MYO5A: variants seen among roughly 807,000 people sequenced by gnomAD.
MYO5A encodes the protein unconventional myosin-Va.
MYO5A carries 98 observed loss-of-function variants against 249.7 expected under a neutral mutation model. The ratio of observed to expected loss-of-function variants is 0.39; its 90% CI spans 0.33 to 0.46. MYO5A has a LOEUF of 0.46. Among genes scored for constraint, MYO5A ranks in the 20% least tolerant of loss-of-function variants. The probability of loss-of-function intolerance (pLI) is 0.98; values close to 1 mark genes in which losing one functional copy is unlikely to be tolerated. For missense variants in MYO5A, 1,696 were observed against 2,308.8 expected (o/e 0.73, Z 5.44); for synonymous variants, 778 against 810.6 (o/e 0.96, Z 0.68).
rs569340846 is a variant in MYO5A at position 52,404,858 on chromosome 15, C to T, written c.1053+429G>A. Among the ~76,000 whole-genome samples, 13 of 152,278 alleles carry T rather than the reference C, an allele frequency of 8.5e-5. No individual in the cohort carries two copies. In the East Asian group the frequency reaches 2.3e-3, roughly 27 times the overall value. On this transcript the variant is annotated intron_variant, in intron 9 of 41. Transcript: ENST00000399233. The stretch of plus-strand genomic sequence containing the variant: ...CAGGGGTCAGTCATGAAGGCCCTTT[C>T]ATGTCATATCATGCCAAGTAAGGTG...
chr15:52,457,497 G>A (rs1382991976), intron 1 of MYO5A, among the ~76,000 whole-genome samples: 2 of 151,392 alleles, frequency 1.3e-5, no homozygotes, highest in African/African-American at 4.9e-5. Context: ...TGGCTAACAG[G>A]TATATGACAA....
At chr15:52,333,501 C>A (rs958602901) in intron 34 of MYO5A, among the ~76,000 whole-genome samples, 1 of 152,132 alleles carries the variant, frequency 6.6e-6, no homozygotes, top group Admixed American at 6.6e-5. Flanking sequence ...CTGCTGCAAC[C>A]ATGGGTCACT....
rs538927364 is a variant in MYO5A at position 52,416,052 on chromosome 15, C to CA, written c.612+92dup. The CA allele has an allele frequency of 1.1e-4, 163 of 1,454,568 alleles. 1 individual carries two copies. The Admixed American group carries it at 1.8e-3, about 16-fold the overall frequency. The allele number at this position is 1,454,568 out of a possible 1,614,324, so 90.1% of individuals were successfully genotyped here. On this transcript the variant is annotated intron_variant, in intron 5 of 41. Transcript: ENST00000399233. ...TCTTAATTTTAGTGGCTGGAGACCC[C>CA]AGGCTTTCTGAGACATGCTGTATCA...
At chr15:52,479,500 T>C (rs188529782) in intron 1 of MYO5A, among the ~76,000 whole-genome samples, 11 of 152,272 alleles carry the variant, frequency 7.2e-5, no homozygotes, top group Non-Finnish European at 1.0e-4. Context: ...AGTGGACCCA[T>C]GCAGTTCAAA....
intron 1 of MYO5A, among the ~76,000 whole-genome samples, chr15:52,468,999 A>T (rs1238727966): frequency 6.6e-6 from 1 of 152,248 alleles, no homozygotes; most frequent in East Asian, 1.9e-4. Context: ...TCCTTGAATC[A>T]GAAAGTTCAT....
Position 52,370,155 on chromosome 15 carries a change from G to A in MYO5A, c.3066+14C>T. 1 of 1,613,908 alleles carries A rather than the reference G, an allele frequency of 6.2e-7. No homozygotes were observed. The highest frequency in any genetic ancestry group is 8.5e-7 in the Non-Finnish European group (1 of 1,179,894). ...TGTGTACGGAGTAGATGGGGATATGGACATTATTCCTACCTGCTCTGTTTC... is the reference window on the plus strand; with the variant it reads ...TGTGTACGGAGTAGATGGGGATATGAACATTATTCCTACCTGCTCTGTTTC... On this transcript the variant is annotated intron_variant, in intron 22 of 41. Transcript: ENST00000399233.
In MYO5A at chr15:52,311,431, G is replaced by C. The variant is rs1296018588; in HGVS notation, c.*2265C>G. On this transcript the variant is annotated 3_prime_UTR_variant, in exon 42 of 42. Coordinates refer to ENST00000399233, the MANE Select transcript of MYO5A (RefSeq NM_001382347.1). Reference sequence around the variant, plus strand: ...TTAATTGTGCATTGAAAACCGCATTGACAACCAGGAAAAACTGGGAGAATT... The same window carrying C: ...TTAATTGTGCATTGAAAACCGCATTCACAACCAGGAAAAACTGGGAGAATT... The C allele has an allele frequency of 1.3e-5, 2 of 152,170 alleles. No individual in the cohort carries two copies. Among genetic ancestry groups the C allele is most frequent in the Admixed American group, 1.3e-4 (2 of 15,280 alleles). The allele number at this position is 152,170 out of a possible 1,614,324, so 9.4% of individuals were successfully genotyped here. A position where few individuals can be genotyped will look rare whatever the true frequency, so the allele number is the denominator to read the frequency against.
At chr15:52,389,154 AG>A in intron 13 of MYO5A, 83 bp downstream of exon 13, 2 of 1,429,478 alleles carry the variant, frequency 1.4e-6, no homozygotes, top group Non-Finnish European at 1.9e-6. Flanking sequence ...CATCAGCAAA[AG>A]AAAAAAAAAG....
Position 52,494,028 on chromosome 15 carries a change from C to A in MYO5A, c.27+34752G>T, listed in dbSNP as rs562890495. On this transcript the variant is annotated intron_variant, in intron 1 of 41. Transcript: ENST00000399233. ...AAGCTTCACTGCCTGGCCCCTCGCT[C>A]CAACACCCCACAATCTGAGATGTCG... 2.2e-4 allele frequency among the ~76,000 whole-genome samples: 33 copies of A among 152,252 alleles called. 1 individual carries two copies. The South Asian group carries it at 6.6e-3, about 31-fold the overall frequency.
intron 1 of MYO5A, among the ~76,000 whole-genome samples, chr15:52,511,545 T>A (rs764766824): frequency 6.6e-6 from 1 of 152,210 alleles, no homozygotes; most frequent in Non-Finnish European, 1.5e-5. Context: ...GCTTGACAAA[T>A]CTTGAGTGCC....
chr15:52,374,900 A>G (rs1002480827), intron 20 of MYO5A, among the ~76,000 whole-genome samples: 2 of 152,156 alleles, frequency 1.3e-5, no homozygotes, highest in African/African-American at 4.8e-5. Context: ...TTCAAATTAT[A>G]TAAACAAAGA....
rs780576619 is a variant in MYO5A, at chr15:52,379,581, A to G, written c.2208+44T>C. The stretch of plus-strand genomic sequence containing the variant: ...CCCGGGGCTTTCCAAGGTCAGAACC[A>G]CAAGGCCTTCTGCTCAGATGACGGT... On this transcript the variant is annotated intron_variant, in intron 18 of 41. Transcript: ENST00000399233. The G allele has an allele frequency of 5.1e-6, 8 of 1,559,120 alleles. No homozygotes were observed. In the Middle Eastern group the frequency reaches 6.7e-4, roughly 131 times the overall value.
chr15:52,324,100 A>G (rs1049299512), intron 36 of MYO5A, among the ~76,000 whole-genome samples: 2 of 151,694 alleles, frequency 1.3e-5, no homozygotes, highest in African/African-American at 4.8e-5. Context: ...GGGAATCAGA[A>G]CTAAAAGCAG....
chr15:52,430,471 G>T (rs1390097106), intron 2 of MYO5A, among the ~76,000 whole-genome samples: 1 of 152,120 alleles, frequency 6.6e-6, no homozygotes, highest in Admixed American at 6.5e-5. Context: ...TGCTCCTCTG[G>T]AATCACTGGA....
intron 27 of MYO5A, 62 bp from the exon 28 acceptor site, chr15:52,351,543 A>T: frequency 6.8e-7 from 1 of 1,462,788 alleles, no homozygotes; most frequent in Non-Finnish European, 9.6e-7. Flanking sequence ...TGGATGCTCA[A>T]ACTTCTCCCA....
chr15:52,408,984 A>G (rs1298607966), intron 6 of MYO5A, among the ~76,000 whole-genome samples: 2 of 152,166 alleles, frequency 1.3e-5, no homozygotes, highest in African/African-American at 2.4e-5. Context: ...GAAACTAGAA[A>G]AGCCTGTGAG....
At chr15:52,371,338 A>G (rs2041103245) in intron 21 of MYO5A, among the ~76,000 whole-genome samples, 1 of 152,214 alleles carries the variant, frequency 6.6e-6, no homozygotes, top group South Asian at 2.1e-4. Flanking sequence ...TAATCAAACA[A>G]ACTTTTATCT....
intron 4 of MYO5A, among the ~76,000 whole-genome samples, chr15:52,416,611 C>T (rs1040545635): frequency 2.6e-5 from 4 of 151,702 alleles, no homozygotes; most frequent in Admixed American, 1.3e-4. Context: ...CGTTAAGTTA[C>T]CTTTTAAACA....
intron 13 of MYO5A, among the ~76,000 whole-genome samples, chr15:52,388,481 C>T (rs897734416): frequency 1.3e-5 from 2 of 152,178 alleles, no homozygotes; most frequent in African/African-American, 4.8e-5. Context: ...GGGGTCAAAG[C>T]TTGCATGACA....
Sources: gnomAD v4.1 joint callset for allele counts (sites outside exome capture counted in the v4.1 genomes callset) on GRCh38, gnomAD v4.1.1 for gene constraint, MANE v1.5 for transcripts, NCBI Gene and HGNC (gene_info 2026-07-23, HGNC 2026-07-21) for gene names.